The following TTC29 variants were observed in gnomAD, a reference collection of about 807,000 sequenced individuals.
TTC29 encodes tetratricopeptide repeat domain 29.
A neutral mutation model predicts 58.1 loss-of-function variants in TTC29; 49 were observed. The ratio of observed to expected loss-of-function variants is 0.84; its 90% CI spans 0.67 to 1.07. The LOEUF is 1.07. Among genes scored for constraint, TTC29 ranks in the 50% least tolerant of loss-of-function variants. The pLI is 0.00. For missense variants in TTC29, 582 were observed against 555.6 expected (o/e 1.05, Z -0.48); for synonymous variants, 209 against 196.8 (o/e 1.06, Z -0.52).
rs372861870 is a variant in TTC29, at chr4:146,802,172, T to C, written c.1330+1285A>G. ...GTGAGAAGCTTTACTCATCTTCTAC[T>C]AAACCTTCATCAGAATAAGTAATCT... is the stretch of plus-strand genomic sequence containing the variant. On this transcript the variant is annotated intron_variant, in intron 11 of 12. Transcript: ENST00000325106. Among the ~76,000 whole-genome samples, 30 of 152,168 alleles carry C rather than the reference T, an allele frequency of 2.0e-4. No individual in the cohort carries two copies. In the South Asian group the frequency reaches 6.2e-3, roughly 32 times the overall value.
At chr4:146,763,971 G>C (rs927840637) in intron 11 of TTC29, 1 of 152,068 alleles carries the variant, frequency 6.6e-6, no homozygotes, top group Non-Finnish European at 1.5e-5. Context: ...AAGGCAGAGG[G>C]GGGGACAATG....
At chr4:146,833,535 A>G in intron 9 of TTC29, among the ~76,000 whole-genome samples, 1 of 152,104 alleles carries the variant, frequency 6.6e-6, no homozygotes, top group Non-Finnish European at 1.5e-5. Flanking sequence ...ATGTGACCCG[A>G]TTTTTTTCTC....
At chr4:146,793,337 C>G (rs1163678154) in intron 11 of TTC29, among the ~76,000 whole-genome samples, 1 of 152,180 alleles carries the variant, frequency 6.6e-6, no homozygotes, top group Non-Finnish European at 1.5e-5. Flanking sequence ...AAATCTTCAG[C>G]AACCACCACC....
At chr4:146,754,592 C>T (rs1441143641) in intron 11 of TTC29, among the ~76,000 whole-genome samples, 1 of 152,046 alleles carries the variant, frequency 6.6e-6, no homozygotes, top group Non-Finnish European at 1.5e-5. Context: ...GGGATTTATC[C>T]CTGGCATATA....
At chr4:146,871,209 T>C (rs1398147563) in intron 7 of TTC29, among the ~76,000 whole-genome samples, 1 of 151,792 alleles carries the variant, frequency 6.6e-6, no homozygotes, top group East Asian at 1.9e-4. Context: ...TAATATAACA[T>C]ATTAATAGGA....
intron 10 of TTC29, among the ~76,000 whole-genome samples, chr4:146,803,949 G>A (rs531312267): frequency 2.0e-5 from 3 of 152,188 alleles, no homozygotes; most frequent in African/African-American, 7.2e-5. Flanking sequence ...GTTCTGCAAT[G>A]TCTGGCAAGA....
chr4:146,938,612 A>T (rs925732200), intron 3 of TTC29, among the ~76,000 whole-genome samples: 1 of 152,308 alleles, frequency 6.6e-6, no homozygotes, highest in East Asian at 1.9e-4. Flanking sequence ...CACATGAATT[A>T]TGCATTCATT....
intron 9 of TTC29, among the ~76,000 whole-genome samples, chr4:146,820,796 G>A (rs1751760565): frequency 6.6e-6 from 1 of 152,170 alleles, no homozygotes; most frequent in Admixed American, 6.5e-5. Flanking sequence ...ACTTTGGGAG[G>A]CCCAGGTGGG....
intron 9 of TTC29, among the ~76,000 whole-genome samples, chr4:146,823,186 T>C (rs1051106239): frequency 2.0e-5 from 3 of 152,254 alleles, no homozygotes; most frequent in Non-Finnish European, 4.4e-5. Flanking sequence ...CCTGTGCCTA[T>C]GTCCTGAATG....
intron 11 of TTC29, among the ~76,000 whole-genome samples, chr4:146,798,701 C>T (rs1395536971): frequency 6.6e-6 from 1 of 151,492 alleles, no homozygotes; most frequent in Admixed American, 6.6e-5. Context: ...TCCTGGGTAA[C>T]ACAGTGAAAC....
At chr4:146,808,587 A>G (rs1438604053) in intron 10 of TTC29, among the ~76,000 whole-genome samples, 1 of 152,174 alleles carries the variant, frequency 6.6e-6, no homozygotes, top group Non-Finnish European at 1.5e-5. Flanking sequence ...GCATTCCTAT[A>G]CACCAATAAC....
rs369693523 is a variant in TTC29 at position 146,746,056 on chromosome 4, A to G, written c.1331-38505T>C. ...TTTACTCTGTCTAAACTCCCAGTTC[A>G]GCGATTGATGTTGAGAAAGAAGCTC... On this transcript the variant is annotated intron_variant, in intron 11 of 12. Coordinates refer to ENST00000325106, the MANE Select transcript of TTC29 (RefSeq NM_031956.4). 9.5e-4 allele frequency among the ~76,000 whole-genome samples: 144 copies of G among 152,344 alleles called. 2 individuals are homozygous for G. The highest frequency in any genetic ancestry group is 3.3e-3 in the African/African-American group (139 of 41,588).
At chr4:146,821,161 A>G (rs1751789972) in intron 9 of TTC29, among the ~76,000 whole-genome samples, 1 of 152,232 alleles carries the variant, frequency 6.6e-6, no homozygotes, top group Non-Finnish European at 1.5e-5. Flanking sequence ...CAGAATGGCA[A>G]ATCCATGAGA....
chr4:146,888,763 A>C (rs1048605663), intron 6 of TTC29, among the ~76,000 whole-genome samples: 2 of 152,124 alleles, frequency 1.3e-5, no homozygotes, highest in African/African-American at 2.4e-5. Context: ...ACAGTTTTTA[A>C]TTACTAATCA....
At position 146,858,255 on chromosome 4, in the gene TTC29, G is replaced by C. The variant is rs145657060; in HGVS notation, c.885+9243C>G. Among the ~76,000 whole-genome samples, 139 of 152,312 alleles carry C rather than the reference G, an allele frequency of 9.1e-4. No individual in the cohort carries two copies. The Middle Eastern group carries it at 0.01, about 11-fold the overall frequency. On this transcript the variant is annotated intron_variant, in intron 8 of 12. Coordinates refer to ENST00000325106, the MANE Select transcript of TTC29 (RefSeq NM_031956.4). Reference sequence around the variant, plus strand: ...TAAGTGACTAACCTAAGGTCACACAGCTAGTGCATGGCAGACAGGACTGAA... The same window carrying C: ...TAAGTGACTAACCTAAGGTCACACACCTAGTGCATGGCAGACAGGACTGAA...
intron 11 of TTC29, among the ~76,000 whole-genome samples, chr4:146,744,942 G>C (rs1745432836): frequency 6.6e-6 from 1 of 152,060 alleles, no homozygotes; most frequent in African/African-American, 2.4e-5. Context: ...AATATCTTAG[G>C]AATAAAAATC....
chr4:146,899,782 G>A (rs1215441366), intron 6 of TTC29, among the ~76,000 whole-genome samples: 2 of 152,154 alleles, frequency 1.3e-5, no homozygotes, highest in Non-Finnish European at 2.9e-5. Context: ...ATGGTTCCCT[G>A]AGTGTGCTGG....
intron 8 of TTC29, among the ~76,000 whole-genome samples, chr4:146,849,800 C>G (rs1729404339): frequency 6.6e-6 from 1 of 152,162 alleles, no homozygotes; most frequent in Non-Finnish European, 1.5e-5. Flanking sequence ...ACACTGCCAC[C>G]TTAAGGCTTT....
At chr4:146,907,675 T>C (rs1475561789) in intron 5 of TTC29, among the ~76,000 whole-genome samples, 1 of 152,162 alleles carries the variant, frequency 6.6e-6, no homozygotes, top group African/African-American at 2.4e-5. Flanking sequence ...TTTTTTTGTA[T>C]TTTTAGTAGA....
Sources: gnomAD v4.1 joint callset for allele counts (sites outside exome capture counted in the v4.1 genomes callset) on GRCh38, gnomAD v4.1.1 for gene constraint, MANE v1.5 for transcripts, NCBI Gene and HGNC (gene_info 2026-07-23, HGNC 2026-07-21) for gene names.